FMN2: variants seen among roughly 807,000 people sequenced by gnomAD.
The protein encoded by FMN2 is formin-2.
Under a neutral mutation model 142.3 loss-of-function variants are expected in FMN2, and 51 were observed. The ratio of observed to expected loss-of-function variants is 0.36; its 90% CI spans 0.29 to 0.45. FMN2 has a LOEUF of 0.45. Ranked by LOEUF, FMN2 falls within the 20% of genes least tolerant of loss-of-function variation. FMN2 has a pLI of 1.00. For missense variants in FMN2, 1,936 were observed against 2,122.8 expected (o/e 0.91, Z 1.73); for synonymous variants, 882 against 869.8 (o/e 1.01, Z -0.25).
At chr1:240,223,379 G>A (rs765825696) in intron 6 of FMN2, among the ~76,000 whole-genome samples, 30 of 152,038 alleles carry the variant, frequency 2.0e-4, no homozygotes, top group Non-Finnish European at 3.7e-4. Flanking sequence ...TGCTGGATTC[G>A]GTTTGCCATT....
chr1:240,272,103 T>C (rs1175142871), intron 7 of FMN2, among the ~76,000 whole-genome samples: 1 of 152,112 alleles, frequency 6.6e-6, no homozygotes, highest in Non-Finnish European at 1.5e-5. Flanking sequence ...TTTATTTGTT[T>C]GTTTGTTTTG....
At chr1:240,295,030 T>C (rs2102961091) in intron 8 of FMN2, 147 bp downstream of exon 8, 1 of 604,050 alleles carries the variant, frequency 1.7e-6, no homozygotes, top group Non-Finnish European at 2.8e-6. Context: ...TTTGTTACAA[T>C]ACTTTCTAGG....
At chr1:240,166,248 A>G (rs2103301415) in intron 2 of FMN2, among the ~76,000 whole-genome samples, 1 of 151,150 alleles carries the variant, frequency 6.6e-6, no homozygotes, top group Admixed American at 6.6e-5. Context: ...TTTTTTTTGG[A>G]GACAGAGTTT....
intron 14 of FMN2, among the ~76,000 whole-genome samples, chr1:240,383,659 C>T (rs1363784112): frequency 2.0e-5 from 3 of 152,008 alleles, no homozygotes; most frequent in African/African-American, 7.3e-5. Context: ...TTAGTACAAC[C>T]TCTACAAAAA....
At chr1:240,147,710 T>C (rs1162492808) in intron 2 of FMN2, among the ~76,000 whole-genome samples, 3 of 152,162 alleles carry the variant, frequency 2.0e-5, no homozygotes. Context: ...TGCTTTACCC[T>C]AGGGTCATAC....
intron 16 of FMN2, among the ~76,000 whole-genome samples, chr1:240,471,309 T>G (rs1324632496): frequency 6.6e-6 from 1 of 152,156 alleles, no homozygotes; most frequent in South Asian, 2.1e-4. Context: ...CATGAGTGTG[T>G]GTGGTATAGG....
intron 7 of FMN2, among the ~76,000 whole-genome samples, chr1:240,265,456 G>A (rs1056151597): frequency 6.6e-6 from 1 of 152,124 alleles, no homozygotes; most frequent in Admixed American, 6.6e-5. Context: ...CACCAAGCTA[G>A]TTTGTAGTGT....
chr1:240,385,312 G>A (rs572075801), intron 14 of FMN2, among the ~76,000 whole-genome samples: 8 of 152,226 alleles, frequency 5.3e-5, no homozygotes, highest in South Asian at 2.1e-4. Context: ...CGAGGTTTTC[G>A]TTTTATCCGA....
chr1:240,188,210 C>T lies in FMN2; in HGVS notation c.1934C>T (p.Ser645Phe). The T allele has an allele frequency of 6.2e-7, 1 of 1,613,750 alleles. No individual in the cohort carries two copies. Among genetic ancestry groups the T allele is most frequent in the South Asian group, 1.1e-5 (1 of 91,030 alleles). Residue 645 changes from serine (S) to phenylalanine (F), a missense_variant, in exon 4 of 18, where the codon TCT becomes TTT. Coordinates refer to ENST00000319653, the MANE Select transcript of FMN2 (RefSeq NM_020066.5). The part of the protein sequence containing the change: ...EHRLEDAETE[S>F]QSAVSETPQK... Reference sequence around the variant, plus strand: ...GTCTGCTTCCTTTCCAATCTAGAATCTCAATCTGCTGTTTCAGAAACTCCC... The same window carrying T: ...GTCTGCTTCCTTTCCAATCTAGAATTTCAATCTGCTGTTTCAGAAACTCCC...
chr1:240,394,494 G>T (rs1673707162), intron 15 of FMN2, among the ~76,000 whole-genome samples: 1 of 152,292 alleles, frequency 6.6e-6, no homozygotes, highest in East Asian at 1.9e-4. Flanking sequence ...TGTAACAAAA[G>T]AGTGCAAGGT....
At chr1:240,142,534 AC>A (rs1257875559) in intron 2 of FMN2, 1 of 743,060 alleles carries the variant, frequency 1.3e-6, no homozygotes, top group East Asian at 2.5e-5. Context: ...TTATTGAACA[AC>A]CTTATCTCAC....
At position 240,338,608 on chromosome 1, in the gene FMN2, G is replaced by A. The variant is rs1457452867; in HGVS notation, c.4765+4379G>A. 5.9e-5 allele frequency among the ~76,000 whole-genome samples: 9 copies of A among 152,076 alleles called. No individual in the cohort carries two copies. In the East Asian group the frequency reaches 7.7e-4, roughly 13 times the overall value. Reference sequence around the variant, plus strand: ...CCTGCCGTCTACCTTCATCCCTTCCGGCACGTGGATCCTCACTTAGTTCAG... The same window carrying A: ...CCTGCCGTCTACCTTCATCCCTTCCAGCACGTGGATCCTCACTTAGTTCAG... On this transcript the variant is annotated intron_variant, in intron 13 of 17. Coordinates refer to ENST00000319653, the MANE Select transcript of FMN2 (RefSeq NM_020066.5).
At chr1:240,351,356 C>A (rs750829703) in intron 13 of FMN2, among the ~76,000 whole-genome samples, 2 of 152,098 alleles carry the variant, frequency 1.3e-5, no homozygotes, top group Non-Finnish European at 2.9e-5. Context: ...ACTTGAAACA[C>A]CCAGACACTG....
intron 3 of FMN2, among the ~76,000 whole-genome samples, chr1:240,185,246 T>C (rs533208796): frequency 6.6e-6 from 1 of 152,248 alleles, no homozygotes; most frequent in African/African-American, 2.4e-5. Context: ...TTCTTTTTCC[T>C]TATCATGTAT....
intron 14 of FMN2, among the ~76,000 whole-genome samples, chr1:240,363,586 CATGCA>C (rs1672564122): frequency 6.6e-6 from 1 of 152,176 alleles, no homozygotes; most frequent in African/African-American, 2.4e-5. Context: ...CGTGCGTGTG[CATGCA>C]TGTGCAAATG....
Position 240,474,330 on chromosome 1 carries a change from A to G in FMN2, c.*176A>G, listed in dbSNP as rs1676903866. On this transcript the variant is annotated 3_prime_UTR_variant, in exon 18 of 18. Transcript: ENST00000319653. ...GTTGAATTTTACTGTATATTCATATAAAAATGCAAACGTACTAGACCAGTG... is the reference window on the plus strand; with the variant it reads ...GTTGAATTTTACTGTATATTCATATGAAAATGCAAACGTACTAGACCAGTG... 3 of 582,520 alleles carry G rather than the reference A, an allele frequency of 5.2e-6. No homozygotes were observed. The highest frequency in any genetic ancestry group is 3.0e-5 in the South Asian group (1 of 33,050). The allele number at this position is 582,520 out of a possible 1,614,324, so 36.1% of individuals were successfully genotyped here.
intron 2 of FMN2, among the ~76,000 whole-genome samples, chr1:240,148,650 T>G (rs1014945095): frequency 6.6e-6 from 1 of 152,200 alleles, no homozygotes; most frequent in African/African-American, 2.4e-5. Flanking sequence ...AGATGTAAAA[T>G]GCAGATGTTC....
chr1:240,177,803 A>C, intron 2 of FMN2, 118 bp from the exon 3 acceptor site: 1 of 814,482 alleles, frequency 1.2e-6, no homozygotes, highest in Non-Finnish European at 1.7e-6. Context: ...TTAATGTTTC[A>C]TATATGTATG....
chr1:240,422,943 G>A (rs1674820772), intron 15 of FMN2, among the ~76,000 whole-genome samples: 2 of 152,142 alleles, frequency 1.3e-5, no homozygotes, highest in African/African-American at 4.8e-5. Flanking sequence ...ACTAATACTT[G>A]TTCTTGGGTT....
Sources: allele counts gnomAD v4.1 joint callset (sites outside exome capture counted in the v4.1 genomes callset), GRCh38; gene constraint gnomAD v4.1.1; transcripts MANE v1.5; gene names NCBI Gene and HGNC (gene_info 2026-07-23, HGNC 2026-07-21).